SCAF4: variants seen among roughly 807,000 people sequenced by gnomAD.
The protein encoded by SCAF4 is SR-related and CTD-associated factor 4.
In SCAF4, 25 loss-of-function variants were observed where a neutral mutation model predicts 129.8. That is an observed-to-expected ratio of 0.19 (90% CI 0.14 to 0.27). The LOEUF (loss-of-function observed/expected upper bound fraction) is 0.27. SCAF4 is among the 10% of genes least tolerant of loss of function. The probability of loss-of-function intolerance (pLI) is 1.00; values close to 1 mark genes in which losing one functional copy is unlikely to be tolerated. For synonymous variants in SCAF4, 551 were observed against 497.7 expected (o/e 1.11, Z -1.43); for missense variants, 1,246 against 1,457.1 (o/e 0.86, Z 2.36).
intron 1 of SCAF4, among the ~76,000 whole-genome samples, chr21:31,722,127 TAAC>T (rs1471105980): frequency 6.6e-6 from 1 of 152,202 alleles, no homozygotes; most frequent in Admixed American, 6.5e-5. Flanking sequence ...TGCTGAGTTT[TAAC>T]AACATAAAAA....
chr21:31,687,835 C>T lies in SCAF4; in HGVS notation c.2043+472G>A, dbSNP rs2050162101. ...TGTATAAACATTTATGGGCCAGGCA[C>T]GGTGGCTCACACCTGTAATCCCAGC... On this transcript the variant is annotated intron_variant, in intron 16 of 19. Coordinates refer to ENST00000286835, the MANE Select transcript of SCAF4 (RefSeq NM_020706.2). 3.9e-5 allele frequency among the ~76,000 whole-genome samples: 6 copies of T among 151,920 alleles called. 1 individual carries two copies. In the South Asian group the frequency reaches 1.2e-3, roughly 32 times the overall value.
At chr21:31,685,815 G>A (rs1382449920) in intron 16 of SCAF4, 82 bp from the exon 17 acceptor site, 6 of 1,329,188 alleles carry the variant, frequency 4.5e-6, no homozygotes, top group East Asian at 2.4e-5. Context: ...AGAGCAAACT[G>A]TTGAAAAAAT....
chr21:31,720,922 A>G (rs990929186), intron 1 of SCAF4, among the ~76,000 whole-genome samples: 1 of 152,238 alleles, frequency 6.6e-6, no homozygotes, highest in African/African-American at 2.4e-5. Flanking sequence ...AGAAAATCAG[A>G]TAAGGCAAGT....
At chr21:31,676,259 T>A (rs2049853105) in intron 19 of SCAF4, among the ~76,000 whole-genome samples, 1 of 152,152 alleles carries the variant, frequency 6.6e-6, no homozygotes, top group Admixed American at 6.5e-5. Flanking sequence ...ACTAATAAAG[T>A]CATTACTTCC....
rs1340313592 is a variant in SCAF4, at chr21:31,676,254, T to G, written c.2489-3900A>C. ...GGAGCTCTAGATGTTTGATCACTAA[T>G]AAAGTCATTACTTCCAAATTCCCAA... On this transcript the variant is annotated intron_variant, in intron 19 of 19. Coordinates refer to ENST00000286835, the MANE Select transcript of SCAF4 (RefSeq NM_020706.2). 2.6e-5 allele frequency among the ~76,000 whole-genome samples: 4 copies of G among 152,172 alleles called. No homozygotes were observed. The East Asian group carries it at 7.7e-4, about 29-fold the overall frequency.
intron 1 of SCAF4, among the ~76,000 whole-genome samples, chr21:31,728,921 G>C (rs562894025): frequency 6.6e-6 from 1 of 152,098 alleles, no homozygotes; most frequent in Non-Finnish European, 1.5e-5. Flanking sequence ...CACTCTCTCA[G>C]CCCTTAGGAT....
intron 5 of SCAF4, 89 bp from the exon 6 acceptor site, chr21:31,702,007 C>G (rs2050544866): frequency 1.4e-6 from 2 of 1,481,450 alleles, no homozygotes; most frequent in Non-Finnish European, 1.8e-6. Flanking sequence ...AACATTTTAT[C>G]CAATTTAACA....
chr21:31,697,774 T>C (rs2050424246), intron 7 of SCAF4, among the ~76,000 whole-genome samples: 1 of 152,200 alleles, frequency 6.6e-6, no homozygotes, highest in Admixed American at 6.5e-5. Flanking sequence ...GACAACACAG[T>C]ATATAGGACT....
intron 1 of SCAF4, among the ~76,000 whole-genome samples, chr21:31,728,472 A>G (rs529689841): frequency 5.9e-5 from 9 of 152,188 alleles, no homozygotes; most frequent in Non-Finnish European, 1.0e-4. Context: ...ACTATACAAA[A>G]TATTATCTTC....
intron 1 of SCAF4, among the ~76,000 whole-genome samples, chr21:31,729,513 G>A (rs1014761757): frequency 1.3e-5 from 2 of 152,198 alleles, no homozygotes; most frequent in Non-Finnish European, 2.9e-5. Flanking sequence ...GTGCAGGTGA[G>A]CAGGCACTCA....
intron 1 of SCAF4, among the ~76,000 whole-genome samples, chr21:31,717,063 A>G (rs1007347236): frequency 6.6e-6 from 1 of 152,220 alleles, no homozygotes; most frequent in Non-Finnish European, 1.5e-5. Context: ...TAATACAAGG[A>G]GATAAAATTC....
Position 31,692,365 on chromosome 21 carries a change from G to A in SCAF4, c.1598C>T (p.Pro533Leu), listed in dbSNP as rs1436885313. The change falls in exon 13 of 20, where the codon CCA becomes CTA. Residue 533 changes from proline (P) to leucine (L), a missense_variant. Physicochemically the swap from Pro to Leu is moderately conservative, Grantham distance 98. Coordinates refer to ENST00000286835, the MANE Select transcript of SCAF4 (RefSeq NM_020706.2). ...AACACTCACATTAATTGATTCAATTGGACCAAACTCTTCCAAGAGACTGGC... is the reference window on the plus strand; with the variant it reads ...AACACTCACATTAATTGATTCAATTAGACCAAACTCTTCCAAGAGACTGGC... Reference protein sequence around the residue: ...DVASLLEEFGPIESINMIPPR... With the variant: ...DVASLLEEFGLIESINMIPPR... 6.2e-7 allele frequency: 1 copy of A among 1,612,644 alleles called. No individual in the cohort carries two copies. The highest frequency in any genetic ancestry group is 8.5e-7 in the Non-Finnish European group (1 of 1,178,890).
chr21:31,704,458 C>A (rs1020856832), intron 3 of SCAF4, among the ~76,000 whole-genome samples: 1 of 151,638 alleles, frequency 6.6e-6, no homozygotes, highest in Non-Finnish European at 1.5e-5. Context: ...CAGGTATAAC[C>A]CTTTATAGAA....
chr21:31,700,350 C>G (rs1397620847), intron 7 of SCAF4, among the ~76,000 whole-genome samples: 1 of 152,012 alleles, frequency 6.6e-6, no homozygotes, highest in Non-Finnish European at 1.5e-5. Context: ...ATGGGATCCT[C>G]CGTTCTCGAC....
rs368622573 is a variant in SCAF4 at position 31,696,768 on chromosome 21, A to G, written c.778-18T>C. On this transcript the variant is annotated intron_variant, in intron 7 of 19. Transcript: ENST00000286835. ...AGCAACTTCTGGAATAATTATGTCA[A>G]TATTTCATTTTAAAATTTAGACTGA... 31 of 1,583,496 alleles carry G rather than the reference A, an allele frequency of 2.0e-5. No homozygotes were observed. The African/African-American group carries it at 4.2e-4, about 21-fold the overall frequency.
At chr21:31,726,470 T>C (rs1414722478) in intron 1 of SCAF4, among the ~76,000 whole-genome samples, 1 of 152,016 alleles carries the variant, frequency 6.6e-6, no homozygotes. Flanking sequence ...GAGACCAGCA[T>C]GGGCAACAGA....
chr21:31,730,300 T>C (rs1373721971), intron 1 of SCAF4, among the ~76,000 whole-genome samples: 1 of 152,218 alleles, frequency 6.6e-6, no homozygotes, highest in East Asian at 1.9e-4. Context: ...CTAGGACATA[T>C]TATTTTTATT....
rs1229422185 is a variant in SCAF4 at position 31,696,127 on chromosome 21, G to C, written c.1054C>G (p.Pro352Ala). 41 of 1,610,926 alleles carry C rather than the reference G, an allele frequency of 2.5e-5. No homozygotes were observed. The Admixed American group carries it at 6.8e-4, about 27-fold the overall frequency. Residue 352 changes from proline to alanine, a missense_variant, in exon 9 of 20, where the codon CCA becomes GCA. Transcript: ENST00000286835. ...QPRMMGIQQD[P>A]MHHQVPLPPN... ...AATGCTTGTACCTGATGGTGCATTG[G>C]ATCCTGTTGTATTCCCATCATTCGT...
chr21:31,700,755 T>C (rs76198865), intron 7 of SCAF4: 6 of 411,336 alleles, frequency 1.5e-5, no homozygotes, highest in Admixed American at 4.2e-5. Context: ...TTTTTTTTTT[T>C]TTCACTTTTT....
Sources: allele counts gnomAD v4.1 joint callset (sites outside exome capture counted in the v4.1 genomes callset), GRCh38; gene constraint gnomAD v4.1.1; transcripts MANE v1.5; gene names NCBI Gene and HGNC (gene_info 2026-07-23, HGNC 2026-07-21).